The following OCA2 variants were observed in gnomAD, a reference collection of about 807,000 sequenced individuals.
The protein encoded by OCA2 is OCA2 melanosomal transmembrane protein.
OCA2 carries 77 observed loss-of-function variants against 100.2 expected under a neutral mutation model. That is an observed-to-expected ratio of 0.77 (90% CI 0.64 to 0.93). The LOEUF (loss-of-function observed/expected upper bound fraction) is 0.93, where lower values mean the gene tolerates loss of function less well. Ranked by LOEUF, OCA2 falls within the 40% of genes least tolerant of loss-of-function variation. The pLI is 0.00. For synonymous variants in OCA2, 432 were observed against 439.2 expected (o/e 0.98, Z 0.21); for missense variants, 1,062 against 1,089.1 (o/e 0.98, Z 0.35).
In OCA2 at chr15:27,851,959, C is replaced by A. The variant is rs189365443; in HGVS notation, c.2245-484G>T. On this transcript the variant is annotated intron_variant, in intron 21 of 23. Transcript: ENST00000354638. Reference sequence around the variant, plus strand: ...CCAGCCGGAACTCACACACAGTCCCCTGACCCTAAACTGCATGCTGGGTCC... The same window carrying A: ...CCAGCCGGAACTCACACACAGTCCCATGACCCTAAACTGCATGCTGGGTCC... 2.4e-3 allele frequency among the ~76,000 whole-genome samples: 359 copies of A among 152,308 alleles called. 1 individual carries two copies. The highest frequency in any genetic ancestry group is 4.0e-3 in the Non-Finnish European group (273 of 68,008).
chr15:28,024,680 C>T (rs2042695732), intron 5 of OCA2, among the ~76,000 whole-genome samples, 165 bp downstream of exon 5: 1 of 152,204 alleles, frequency 6.6e-6, no homozygotes, highest in African/African-American at 2.4e-5. Context: ...CCCCCTCAGC[C>T]CGCTGCCCCA....
chr15:27,833,035 C>G lies in OCA2; in HGVS notation c.2432+11924G>C, dbSNP rs146673326. Among the ~76,000 whole-genome samples, 640 of 152,030 alleles carry G rather than the reference C, an allele frequency of 4.2e-3. 5 individuals carry two copies. Among genetic ancestry groups the G allele is most frequent in the African/African-American group, 0.015 (610 of 41,474 alleles). On this transcript the variant is annotated intron_variant, in intron 23 of 23. Transcript: ENST00000354638. ...TTCACCATGTTGGCAAGGCTGGTCT[C>G]GAACTCCTGACCTCACATGATCTGC...
intron 23 of OCA2, among the ~76,000 whole-genome samples, chr15:27,794,145 C>A (rs1352253705): frequency 6.6e-6 from 1 of 152,216 alleles, no homozygotes; most frequent in African/African-American, 2.4e-5. Context: ...CCTGGATCAG[C>A]ACCTCTGCAT....
At chr15:27,745,132 C>T in the OCA2 span, among the ~76,000 whole-genome samples, 1 of 152,128 alleles carries the variant, frequency 6.6e-6, no homozygotes, top group East Asian at 1.9e-4. Flanking sequence ...GTCCACAATG[C>T]AAAGCAAAAG....
chr15:28,091,225 G>C (rs2044864700), intron 1 of OCA2, among the ~76,000 whole-genome samples: 1 of 152,088 alleles, frequency 6.6e-6, no homozygotes, highest in Non-Finnish European at 1.5e-5. Flanking sequence ...AGGGTCAGAT[G>C]GTTTCACTAG....
intron 23 of OCA2, among the ~76,000 whole-genome samples, chr15:27,798,525 T>G (rs989047841): frequency 2.0e-5 from 3 of 152,136 alleles, no homozygotes; most frequent in African/African-American, 7.2e-5. Context: ...GACTGAGACA[T>G]CCTCCGTGAA....
chr15:27,971,621 G>C (rs1051240166), intron 14 of OCA2, among the ~76,000 whole-genome samples: 3 of 152,162 alleles, frequency 2.0e-5, no homozygotes, highest in African/African-American at 7.2e-5. Flanking sequence ...CACCGACAGA[G>C]AGTTATCCCA....
chr15:27,885,067 C>A (rs1051428240), intron 19 of OCA2, among the ~76,000 whole-genome samples: 5 of 152,076 alleles, frequency 3.3e-5, no homozygotes, highest in African/African-American at 9.7e-5. Flanking sequence ...TTTCTCAAGA[C>A]AGTTAAGAAT....
the OCA2 span, among the ~76,000 whole-genome samples, chr15:27,725,551 A>G: frequency 7.2e-4 from 109 of 152,312 alleles, 3 homozygotes; most frequent in East Asian, 0.018. Flanking sequence ...CTGGGCAACA[A>G]GAGTGAGACT....
rs1567098161 is a variant in OCA2 at position 27,913,883 on chromosome 15, G to GAA, written c.2079+12242_2079+12243dup. On this transcript the variant is annotated intron_variant, in intron 19 of 23. Transcript: ENST00000354638. Reference sequence around the variant, plus strand: ...AGAAAGAAAGAAAGAAAGAAAGAAAGAAAGAAAGAAAGCAAGCAAGCAAGC... The same window carrying GAA: ...AGAAAGAAAGAAAGAAAGAAAGAAAGAAAAAGAAAGAAAGCAAGCAAGCAAGC... Among the ~76,000 whole-genome samples the GAA allele has an allele frequency of 7.4e-4, 39 of 52,672 alleles. 1 individual carries two copies. The highest frequency in any genetic ancestry group is 0.014 in the Middle Eastern group (1 of 70). 34.6% of individuals were successfully genotyped at this position (52,672 alleles called of 152,430 possible).
intron 21 of OCA2, among the ~76,000 whole-genome samples, chr15:27,865,528 C>G (rs1335340090): frequency 2.0e-5 from 3 of 152,222 alleles, no homozygotes; most frequent in African/African-American, 7.2e-5. Context: ...GGCAGGCACA[C>G]CTGTCTCTCC....
chr15:28,095,695 C>A (rs1412529782), intron 1 of OCA2, among the ~76,000 whole-genome samples: 10 of 137,748 alleles, frequency 7.3e-5, no homozygotes, highest in Non-Finnish European at 1.4e-4. Flanking sequence ...CCAGCCTGGA[C>A]AACAAGAACG....
chr15:27,940,897 C>T (rs2039623543), intron 18 of OCA2, among the ~76,000 whole-genome samples: 3 of 152,166 alleles, frequency 2.0e-5, no homozygotes, highest in Admixed American at 2.0e-4. Context: ...TATTTAAATT[C>T]TTCTTCAGAT....
rs181390549 is a variant in OCA2, at chr15:28,050,982, C to T, written c.228-18819G>A. ...TGCCCTCCACCCCAGTACAGCCACT[C>T]GGAGCTGGGCTGCATGTGTGGCCCT... On this transcript the variant is annotated intron_variant, in intron 2 of 23. Coordinates refer to ENST00000354638, the MANE Select transcript of OCA2 (RefSeq NM_000275.3). Among the ~76,000 whole-genome samples, 6 of 152,284 alleles carry T rather than the reference C, an allele frequency of 3.9e-5. No homozygotes were observed. In the East Asian group the frequency reaches 7.7e-4, roughly 20 times the overall value.
chr15:27,962,535 G>A (rs563700479), intron 15 of OCA2, among the ~76,000 whole-genome samples: 2 of 152,286 alleles, frequency 1.3e-5, no homozygotes, highest in East Asian at 3.9e-4. Context: ...AGGAGAAGAA[G>A]CCTAGGCCAG....
At position 27,954,459 on chromosome 15, in the gene OCA2, C is replaced by T. The variant is rs145482256; in HGVS notation, c.1842+699G>A. Among the ~76,000 whole-genome samples the T allele has an allele frequency of 1.3e-4, 20 of 152,254 alleles. No individual in the cohort carries two copies. The East Asian group carries it at 2.7e-3, about 21-fold the overall frequency. On this transcript the variant is annotated intron_variant, in intron 17 of 23. Coordinates refer to ENST00000354638, the MANE Select transcript of OCA2 (RefSeq NM_000275.3). ...CCAACATCTTTATGGAAAATAAGCACGATAGATGTGAGGTGTTCTGAAGCC... is the reference window on the plus strand; with the variant it reads ...CCAACATCTTTATGGAAAATAAGCATGATAGATGTGAGGTGTTCTGAAGCC...
the OCA2 span, among the ~76,000 whole-genome samples, chr15:27,748,777 T>C: frequency 1.3e-5 from 2 of 152,234 alleles, no homozygotes; most frequent in East Asian, 1.9e-4. Context: ...AGGCAATGAA[T>C]AAGCAATAAA....
chr15:27,951,156 A>C (rs2040013376), intron 18 of OCA2, among the ~76,000 whole-genome samples: 1 of 152,188 alleles, frequency 6.6e-6, no homozygotes, highest in South Asian at 2.1e-4. Flanking sequence ...CTCTGTGGTG[A>C]GCTCCCCCTG....
chr15:27,913,912 CAAGCAAGCAAGCAAGCAAGAAAGA>C (rs1434773312), intron 19 of OCA2, among the ~76,000 whole-genome samples: 2 of 56,422 alleles, frequency 3.5e-5, no homozygotes, highest in African/African-American at 1.6e-4. Context: ...AGCAAGCAAG[CAAGCAAGCAAGCAAGCAAGAAAGA>C]AAGAAAAAAA....
Sources: gnomAD v4.1 joint callset for allele counts (sites outside exome capture counted in the v4.1 genomes callset) on GRCh38, gnomAD v4.1.1 for gene constraint, MANE v1.5 for transcripts, NCBI Gene and HGNC (gene_info 2026-07-23, HGNC 2026-07-21) for gene names.